The following MCC variants were observed in gnomAD, a reference collection of about 807,000 sequenced individuals.
MCC encodes the protein MCC regulator of Wnt signaling pathway.
A neutral mutation model predicts 116.2 loss-of-function variants in MCC; 90 were observed. The observed-to-expected ratio is 0.77, with a 90% CI of 0.65 to 0.92. The LOEUF (loss-of-function observed/expected upper bound fraction) is 0.92, where lower values mean the gene tolerates loss of function less well. MCC is among the 40% of genes least tolerant of loss of function. MCC has a pLI of 0.00. For missense variants in MCC, 1,516 were observed against 1,312.2 expected (o/e 1.16, Z -2.40); for synonymous variants, 578 against 510.5 (o/e 1.13, Z -1.78).
intron 8 of MCC, among the ~76,000 whole-genome samples, chr5:113,098,835 G>T (rs556362087): frequency 6.6e-6 from 1 of 152,150 alleles, no homozygotes; most frequent in African/African-American, 2.4e-5. Context: ...CCAATTGCTC[G>T]TCAAGGAACT....
At chr5:113,080,025 T>G (rs954914659) in intron 11 of MCC, among the ~76,000 whole-genome samples, 6 of 152,188 alleles carry the variant, frequency 3.9e-5, no homozygotes, top group Non-Finnish European at 7.4e-5. Flanking sequence ...AAGAAGACAT[T>G]TATGCAGCCA....
chr5:113,095,659 T>C (rs1007789667), intron 8 of MCC, among the ~76,000 whole-genome samples: 1 of 151,882 alleles, frequency 6.6e-6, no homozygotes, highest in Non-Finnish European at 1.5e-5. Context: ...GCTGGGACTA[T>C]GGGTGCACAC....
intron 11 of MCC, among the ~76,000 whole-genome samples, chr5:113,081,907 G>T (rs1364924809): frequency 1.3e-5 from 2 of 152,192 alleles, no homozygotes; most frequent in African/African-American, 4.8e-5. Context: ...GATGGGGAAC[G>T]GTATCCCTAT....
chr5:113,120,793 C>A (rs1757691257), intron 6 of MCC, among the ~76,000 whole-genome samples: 2 of 152,338 alleles, frequency 1.3e-5, no homozygotes, highest in African/African-American at 4.8e-5. Context: ...TCTGCAAACA[C>A]CCTGATGTCT....
At chr5:113,350,204 C>A (rs559348617) in intron 2 of MCC, among the ~76,000 whole-genome samples, 1 of 151,870 alleles carries the variant, frequency 6.6e-6, no homozygotes, top group Non-Finnish European at 1.5e-5. Context: ...CTAAAACATA[C>A]GTGAAACCAC....
intron 3 of MCC, among the ~76,000 whole-genome samples, chr5:113,193,636 A>G (rs549414077): frequency 3.8e-4 from 58 of 152,314 alleles, no homozygotes; most frequent in African/African-American, 1.3e-3. Context: ...TTCAAACGAT[A>G]GAGAAATACA....
At chr5:113,268,582 T>G (rs1320033902) in intron 3 of MCC, among the ~76,000 whole-genome samples, 3 of 152,148 alleles carry the variant, frequency 2.0e-5, no homozygotes, top group Admixed American at 2.0e-4. Flanking sequence ...TTCTGTGCCC[T>G]GCCCCTCCAT....
chr5:113,221,913 TTCTC>T (rs1323470383), intron 3 of MCC, among the ~76,000 whole-genome samples: 1 of 152,210 alleles, frequency 6.6e-6, no homozygotes, highest in Non-Finnish European at 1.5e-5. Flanking sequence ...GAATTACTCT[TTCTC>T]TATTGCAATT....
intron 13 of MCC, among the ~76,000 whole-genome samples, chr5:113,064,702 C>T (rs752054146): frequency 5.9e-5 from 9 of 152,176 alleles, no homozygotes; most frequent in African/African-American, 2.2e-4. Context: ...GTACCGATGC[C>T]ACCCCTGACC....
chr5:113,436,070 A>G (rs1770849810), intron 1 of MCC: 1 of 152,108 alleles, frequency 6.6e-6, no homozygotes, highest in African/African-American at 2.4e-5. Flanking sequence ...GGGAGTGAGA[A>G]CTCCTTCCTC....
chr5:113,433,886 T>C (rs764482166), intron 1 of MCC: 82 of 1,613,932 alleles, frequency 5.1e-5, no homozygotes, highest in Non-Finnish European at 6.7e-5. Context: ...CCTGGGGCTG[T>C]GCCTCTCCCT....
chr5:113,281,112 T>G (rs539939897), intron 3 of MCC, among the ~76,000 whole-genome samples: 2 of 152,334 alleles, frequency 1.3e-5, no homozygotes, highest in African/African-American at 2.4e-5. Flanking sequence ...TTTAAAAAAC[T>G]TCTTGCAAAT....
At chr5:113,056,735 A>AC (rs1752862624) in intron 14 of MCC, among the ~76,000 whole-genome samples, 1 of 152,214 alleles carries the variant, frequency 6.6e-6, no homozygotes, top group African/African-American at 2.4e-5. Flanking sequence ...TAAAAGTAAA[A>AC]AAAAAATAGA....
At chr5:113,473,703 G>A (rs12332353) in intron 1 of MCC, among the ~76,000 whole-genome samples, 1 of 152,076 alleles carries the variant, frequency 6.6e-6, no homozygotes, top group Admixed American at 6.5e-5. Context: ...CAATGCTTTT[G>A]AAAATACTAT....
intron 3 of MCC, among the ~76,000 whole-genome samples, chr5:113,198,060 T>C (rs1363553209): frequency 1.3e-5 from 2 of 152,240 alleles, no homozygotes; most frequent in African/African-American, 4.8e-5. Flanking sequence ...TATAATTCAG[T>C]TAACAGGAAA....
intron 3 of MCC, among the ~76,000 whole-genome samples, chr5:113,242,702 C>T (rs375258964): frequency 2.4e-4 from 36 of 152,106 alleles, no homozygotes; most frequent in Admixed American, 2.6e-4. Context: ...CATGACCACA[C>T]GGGGGTAACC....
Position 113,264,292 on chromosome 5 carries a change from T to C in MCC, c.627+76227A>G, listed in dbSNP as rs201388740. On this transcript the variant is annotated intron_variant, in intron 3 of 18. Coordinates refer to ENST00000408903, the MANE Select transcript of MCC (RefSeq NM_001085377.2). ...TCTCTATATAAATACGAAAACGGCA[T>C]CTGCCTCCCTCCCCAGTGATACAAT... Among the ~76,000 whole-genome samples, 8 of 152,298 alleles carry C rather than the reference T, an allele frequency of 5.3e-5. No individual in the cohort carries two copies. The East Asian group carries it at 1.2e-3, about 22-fold the overall frequency.
At chr5:113,480,406 T>G (rs977227265) in intron 1 of MCC, among the ~76,000 whole-genome samples, 1 of 152,260 alleles carries the variant, frequency 6.6e-6, no homozygotes, top group Admixed American at 6.5e-5. Context: ...GATGCACAGT[T>G]TAACATTGTG....
At chr5:113,322,166 G>A (rs1015855487) in intron 3 of MCC, among the ~76,000 whole-genome samples, 1 of 152,208 alleles carries the variant, frequency 6.6e-6, no homozygotes, top group African/African-American at 2.4e-5. Flanking sequence ...CCAAGGTGGT[G>A]TGGATGCTAC....
Sources: allele counts gnomAD v4.1 joint callset (sites outside exome capture counted in the v4.1 genomes callset), GRCh38; gene constraint gnomAD v4.1.1; transcripts MANE v1.5; gene names NCBI Gene and HGNC (gene_info 2026-07-23, HGNC 2026-07-21).